DCLK1: variants seen among roughly 807,000 people sequenced by gnomAD.
DCLK1 encodes the protein doublecortin like kinase 1, also known as serine/threonine-protein kinase DCLK1.
DCLK1 carries 16 observed loss-of-function variants against 86.2 expected under a neutral mutation model. The observed-to-expected ratio is 0.19, with a 90% confidence interval of 0.13 to 0.28. The LOEUF is 0.28. DCLK1 is among the 10% of genes least tolerant of loss of function. The pLI is 1.00. For missense variants in DCLK1, 590 were observed against 940.2 expected, an observed-to-expected ratio of 0.63 and a Z score of 4.87; for synonymous variants, 369 against 370.5, an observed-to-expected ratio of 1.00 and a Z score of 0.05.
At chr13:35,911,578 C>T (rs1875035903) in intron 4 of DCLK1, among the ~76,000 whole-genome samples, 1 of 152,110 alleles carries the variant, frequency 6.6e-6, no homozygotes, top group Non-Finnish European at 1.5e-5. Flanking sequence ...GTATTTATGC[C>T]TTAAATAGGA....
chr13:36,055,935 A>G (rs1416612811), intron 3 of DCLK1, among the ~76,000 whole-genome samples: 1 of 152,238 alleles, frequency 6.6e-6, no homozygotes. Flanking sequence ...ATGATATCTC[A>G]TAGTGGTTTT....
chr13:35,819,868 A>G (rs1418460662), intron 11 of DCLK1, among the ~76,000 whole-genome samples: 2 of 152,312 alleles, frequency 1.3e-5, no homozygotes, highest in East Asian at 1.9e-4. Flanking sequence ...TTCATTTTTA[A>G]TTACAAAGAA....
intron 3 of DCLK1, among the ~76,000 whole-genome samples, chr13:36,054,152 A>G (rs930864399): frequency 2.0e-5 from 3 of 152,176 alleles, no homozygotes; most frequent in Non-Finnish European, 4.4e-5. Context: ...TCACCAGGAT[A>G]ATGTCCTTGG....
At chr13:35,853,166 C>G (rs2153110355) in intron 6 of DCLK1, among the ~76,000 whole-genome samples, 1 of 152,272 alleles carries the variant, frequency 6.6e-6, no homozygotes, top group East Asian at 1.9e-4. Flanking sequence ...ATTCCAACAC[C>G]TTAAAATTCC....
At chr13:35,957,723 G>A (rs1436670384) in intron 3 of DCLK1, among the ~76,000 whole-genome samples, 3 of 152,108 alleles carry the variant, frequency 2.0e-5, no homozygotes, top group South Asian at 2.1e-4. Flanking sequence ...GTCACTTAAC[G>A]TTAAAGTATT....
At chr13:35,927,967 G>A (rs1242439940) in intron 4 of DCLK1, among the ~76,000 whole-genome samples, 1 of 152,188 alleles carries the variant, frequency 6.6e-6, no homozygotes. Flanking sequence ...ACAAGGAGAG[G>A]ACCTGCAAGC....
chr13:36,045,370 A>ATATCTATATATC (rs1566658754), intron 3 of DCLK1, among the ~76,000 whole-genome samples: 3 of 133,172 alleles, frequency 2.3e-5, no homozygotes, highest in Non-Finnish European at 4.8e-5. Context: ...ATATATATAT[A>ATATCTATATATC]TATATATTTC....
rs1322263265 is a variant in DCLK1 at position 35,828,227 on chromosome 13, A to G, written c.1287+23T>C. ...TTGACCTCTTGAACACTCTTATCTC[A>G]TAAGAACAAATTTTATACATACTTT... On this transcript the variant is annotated intron_variant, in intron 9 of 16. Transcript: ENST00000360631. 3.1e-6 allele frequency: 5 copies of G among 1,599,182 alleles called. No homozygotes were observed. In the South Asian group the frequency reaches 3.3e-5, roughly 11 times the overall value.
chr13:35,820,389 G>A (rs2153104588), intron 11 of DCLK1, among the ~76,000 whole-genome samples: 1 of 152,206 alleles, frequency 6.6e-6, no homozygotes, highest in East Asian at 1.9e-4. Flanking sequence ...AAGGGAAAAA[G>A]AAAGGAGAGA....
chr13:35,770,223 G>A lies in DCLK1; in HGVS notation c.*4312C>T, dbSNP rs2086305432. 2 of 152,194 alleles carry A rather than the reference G, an allele frequency of 1.3e-5. No homozygotes were observed. Among genetic ancestry groups the A allele is most frequent in the African/African-American group, 4.8e-5 (2 of 41,462 alleles). The allele number at this position is 152,194 out of a possible 1,614,324, so 9.4% of individuals were successfully genotyped here. A position where few individuals can be genotyped will look rare whatever the true frequency, so the allele number is the denominator to read the frequency against. ...CCATTTGTTACCGTTTCATGTGTAA[G>A]CACCATTGAACCAATTTTTAAAGCA... On this transcript the variant is annotated 3_prime_UTR_variant, in exon 17 of 17. Transcript: ENST00000360631.
At chr13:36,104,549 G>C (rs753551101) in intron 3 of DCLK1, among the ~76,000 whole-genome samples, 24 of 152,124 alleles carry the variant, frequency 1.6e-4, no homozygotes, top group Non-Finnish European at 3.1e-4. Flanking sequence ...GAAATGAGTA[G>C]GTTCTTGCTT....
intron 3 of DCLK1, among the ~76,000 whole-genome samples, chr13:35,953,789 G>A (rs1055397911): frequency 6.6e-6 from 1 of 152,176 alleles, no homozygotes; most frequent in Non-Finnish European, 1.5e-5. Context: ...ACTTCAGGGA[G>A]CTGGGCCAGT....
Position 35,989,406 on chromosome 13 carries a change from G to A in DCLK1, c.724-41949C>T, listed in dbSNP as rs1210934733. 2.6e-5 allele frequency among the ~76,000 whole-genome samples: 4 copies of A among 151,160 alleles called. No individual in the cohort carries two copies. The East Asian group carries it at 8.2e-4, about 31-fold the overall frequency. ...CCTGCCTCAGCCTCCTGAGTATCTG[G>A]GATTACAGGTGCTCACCACCACACC... On this transcript the variant is annotated intron_variant, in intron 3 of 16. Transcript: ENST00000360631.
At chr13:36,032,302 C>A (rs757519232) in intron 3 of DCLK1, among the ~76,000 whole-genome samples, 2 of 151,804 alleles carry the variant, frequency 1.3e-5, no homozygotes, top group Non-Finnish European at 2.9e-5. Flanking sequence ...CCACCAGGCC[C>A]GGCTAATTTT....
intron 3 of DCLK1, among the ~76,000 whole-genome samples, chr13:35,961,471 A>C (rs868617373): frequency 6.6e-6 from 1 of 152,160 alleles, no homozygotes; most frequent in Non-Finnish European, 1.5e-5. Flanking sequence ...AGGCATTCAA[A>C]CTGCAATCAA....
chr13:35,817,301 T>C (rs2087290342), intron 11 of DCLK1, among the ~76,000 whole-genome samples: 1 of 152,118 alleles, frequency 6.6e-6, no homozygotes, highest in Admixed American at 6.5e-5. Flanking sequence ...CCAATTACGG[T>C]ACTAAATAAT....
intron 3 of DCLK1, among the ~76,000 whole-genome samples, chr13:36,106,860 C>A (rs1292894852): frequency 3.9e-5 from 6 of 152,092 alleles, no homozygotes; most frequent in Non-Finnish European, 5.9e-5. Flanking sequence ...ACTTTTTTAA[C>A]TTGTAAGAGG....
At chr13:35,978,207 T>C (rs951476425) in intron 3 of DCLK1, among the ~76,000 whole-genome samples, 5 of 139,510 alleles carry the variant, frequency 3.6e-5, no homozygotes, top group African/African-American at 1.3e-4. Context: ...TCTTTTCTTT[T>C]TTTTTTTTTT....
chr13:35,942,682 T>C (rs1877151625), intron 4 of DCLK1, among the ~76,000 whole-genome samples: 1 of 152,178 alleles, frequency 6.6e-6, no homozygotes, highest in South Asian at 2.1e-4. Flanking sequence ...GATAAATCAA[T>C]TAAAAATACA....
Sources: allele counts gnomAD v4.1 joint callset (sites outside exome capture counted in the v4.1 genomes callset), GRCh38; gene constraint gnomAD v4.1.1; transcripts MANE v1.5; gene names NCBI Gene and HGNC (gene_info 2026-07-23, HGNC 2026-07-21).